GRID1: variants seen among roughly 807,000 people sequenced by gnomAD.
The protein encoded by GRID1 is glutamate ionotropic receptor delta type subunit 1, also known as glutamate receptor ionotropic, delta-1.
A neutral mutation model predicts 98.0 loss-of-function variants in GRID1; 28 were observed. The ratio of observed to expected loss-of-function variants is 0.29; its 90% confidence interval spans 0.21 to 0.39. The LOEUF (loss-of-function observed/expected upper bound fraction) is 0.39. GRID1 is among the 10% of genes least tolerant of loss of function. The pLI is 1.00. For synonymous variants in GRID1, 553 were observed against 538.5 expected, an observed-to-expected ratio of 1.03 and a Z score of -0.37; for missense variants, 1,111 against 1,340.5, an observed-to-expected ratio of 0.83 and a Z score of 2.67.
At chr10:85,915,584 CCA>C (rs1406323840) in intron 5 of GRID1, among the ~76,000 whole-genome samples, 1 of 151,554 alleles carries the variant, frequency 6.6e-6, no homozygotes, top group Non-Finnish European at 1.5e-5. Context: ...TCAAACACAT[CCA>C]CACACATATA....
Position 86,206,524 on chromosome 10 carries a change from C to G in GRID1, c.360G>C (p.Pro120=). Residue 120 remains proline, a synonymous_variant, in exon 3 of 16, where the codon CCG becomes CCC. Coordinates refer to ENST00000327946, the MANE Select transcript of GRID1 (RefSeq NM_017551.3). This position sits in a 1 kb window ranked among gnomAD's most constrained non-coding sequence, Gnocchi z 4.1. ...GGCATGCGGTGCGTGGCGACCCTCC[C>G]GGGTTGCGCTGGACAAAGAGGTGTG... ...HIPHLFVQRN[P]GGSPRTACHL... 1 of 1,614,186 alleles carries G rather than the reference C, an allele frequency of 6.2e-7. No homozygotes were observed. Among genetic ancestry groups the G allele is most frequent in the East Asian group, 2.2e-5 (1 of 44,880 alleles).
chr10:85,692,506 T>C (rs1334210173), intron 12 of GRID1, among the ~76,000 whole-genome samples: 1 of 151,246 alleles, frequency 6.6e-6, no homozygotes, highest in Non-Finnish European at 1.5e-5. Context: ...TATAAAAAAA[T>C]GCAAAAATTA....
intron 4 of GRID1, among the ~76,000 whole-genome samples, chr10:85,920,721 C>T (rs183161367): frequency 1.7e-3 from 259 of 152,254 alleles, no homozygotes; most frequent in Non-Finnish European, 3.2e-3. Context: ...AGTGATGACC[C>T]GGTCAGACAA....
Position 85,724,635 on chromosome 10 carries a change from C to T in GRID1, c.1575G>A (p.Glu525=). The T allele has an allele frequency of 6.2e-7, 1 of 1,612,700 alleles. No individual in the cohort carries two copies. Among genetic ancestry groups the T allele is most frequent in the Non-Finnish European group, 8.5e-7 (1 of 1,179,450 alleles). The part of the protein sequence containing the change: ...LAISAITITP[E]RESVVDFSKR... ...TGCTGAAGTCCACAACGCTCTCCCTCTCTGGGGTGATGGTGATGGCAGAGA... is the reference window on the plus strand; with the variant it reads ...TGCTGAAGTCCACAACGCTCTCCCTTTCTGGGGTGATGGTGATGGCAGAGA... Residue 525 remains glutamate (E), a synonymous_variant, in exon 11 of 16, where the codon GAG becomes GAA. Transcript: ENST00000327946.
chr10:85,742,196 T>C (rs74148750), intron 8 of GRID1, among the ~76,000 whole-genome samples: 7,396 of 152,258 alleles, frequency 0.049, 302 homozygotes, highest in African/African-American at 0.11. Flanking sequence ...AAATTATTTG[T>C]TGAATCAGGA....
rs186163565 is a variant in GRID1, at chr10:86,308,278, G to A, written c.235+55663C>T. ...CACCTCTGAGTGGCCAGCTGGGTCCGTCTACCTCCAGACCTGAACTAGGGC... is the reference window on the plus strand; with the variant it reads ...CACCTCTGAGTGGCCAGCTGGGTCCATCTACCTCCAGACCTGAACTAGGGC... On this transcript the variant is annotated intron_variant, in intron 2 of 15. Transcript: ENST00000327946. Among the ~76,000 whole-genome samples, 536 of 152,294 alleles carry A rather than the reference G, an allele frequency of 3.5e-3. 30 individuals are homozygous for A. The South Asian group carries it at 0.11, about 30-fold the overall frequency.
At chr10:86,363,267 C>T (rs897215216) in intron 2 of GRID1, among the ~76,000 whole-genome samples, 1 of 152,254 alleles carries the variant, frequency 6.6e-6, no homozygotes, top group African/African-American at 2.4e-5. Context: ...CAGGATTTCC[C>T]CGCAGCCGGA....
intron 2 of GRID1, among the ~76,000 whole-genome samples, chr10:86,291,222 C>T (rs1032506137): frequency 7.9e-5 from 12 of 152,154 alleles, no homozygotes; most frequent in African/African-American, 2.7e-4. Flanking sequence ...AGATCCACAG[C>T]GCGGTGCACA....
intron 11 of GRID1, among the ~76,000 whole-genome samples, chr10:85,723,627 A>G (rs1027596095): frequency 2.6e-5 from 4 of 152,182 alleles, no homozygotes; most frequent in Non-Finnish European, 5.9e-5. Flanking sequence ...TATCACTTTT[A>G]TTAGTATTCA....
At chr10:85,815,579 C>T (rs1842709567) in intron 8 of GRID1, among the ~76,000 whole-genome samples, 1 of 151,998 alleles carries the variant, frequency 6.6e-6, no homozygotes, top group Non-Finnish European at 1.5e-5. Context: ...CAGATACAAA[C>T]TCAAATTGGA....
intron 2 of GRID1, among the ~76,000 whole-genome samples, chr10:86,295,941 C>G (rs1847582792): frequency 6.6e-6 from 1 of 152,222 alleles, no homozygotes; most frequent in African/African-American, 2.4e-5. Flanking sequence ...TCATCCATCC[C>G]CCCTACAGAC....
chr10:85,798,147 G>T (rs1378040698), intron 8 of GRID1, among the ~76,000 whole-genome samples: 1 of 152,178 alleles, frequency 6.6e-6, no homozygotes, highest in African/African-American at 2.4e-5. Context: ...TTGCTGAGTT[G>T]AATGGTAGCT....
At chr10:85,643,206 T>G (rs944437732) in intron 13 of GRID1, among the ~76,000 whole-genome samples, 7 of 152,162 alleles carry the variant, frequency 4.6e-5, no homozygotes, top group Non-Finnish European at 1.0e-4. Context: ...AAATCAGAAG[T>G]GTGATTATCT....
intron 5 of GRID1, among the ~76,000 whole-genome samples, chr10:85,905,548 A>G (rs78771195): frequency 0.09 from 13,748 of 152,192 alleles, 653 homozygotes; most frequent in Middle Eastern, 0.16. Context: ...AAACATAATA[A>G]CTATGTATTT....
At chr10:85,701,122 G>T (rs1026358496) in intron 12 of GRID1, among the ~76,000 whole-genome samples, 1 of 152,070 alleles carries the variant, frequency 6.6e-6, no homozygotes, top group South Asian at 2.1e-4. Flanking sequence ...AAACTCTTTG[G>T]GAGGTTTCTA....
At chr10:86,345,036 C>G (rs7907967) in intron 2 of GRID1, among the ~76,000 whole-genome samples, 3 of 152,034 alleles carry the variant, frequency 2.0e-5, no homozygotes, top group Non-Finnish European at 2.9e-5. Flanking sequence ...AGGAATGAGC[C>G]CCAGTGGCCC....
At chr10:86,174,324 C>A (rs1162297214) in intron 3 of GRID1, among the ~76,000 whole-genome samples, 1 of 151,996 alleles carries the variant, frequency 6.6e-6, no homozygotes, top group African/African-American at 2.4e-5. Flanking sequence ...ACAGAGCCCT[C>A]AGAAATAACG....
At chr10:85,627,648 G>A (rs552998315) in intron 13 of GRID1, among the ~76,000 whole-genome samples, 9 of 152,134 alleles carry the variant, frequency 5.9e-5, no homozygotes, top group South Asian at 2.1e-4. Context: ...ATCGAGGCTC[G>A]GCCTCCTTCC....
At chr10:86,054,909 TG>T (rs1431553889) in intron 4 of GRID1, among the ~76,000 whole-genome samples, 1 of 152,212 alleles carries the variant, frequency 6.6e-6, no homozygotes, top group African/African-American at 2.4e-5. Context: ...GCCAATAGAA[TG>T]AGGCGGAAGT....
Sources: allele counts gnomAD v4.1 joint callset (sites outside exome capture counted in the v4.1 genomes callset), GRCh38; gene constraint gnomAD v4.1.1; non-coding constraint Gnocchi (gnomAD v3.1); transcripts MANE v1.5; gene names NCBI Gene and HGNC (gene_info 2026-07-23, HGNC 2026-07-21).